The following KIF13A variants were observed in gnomAD, a reference collection of about 807,000 sequenced individuals.
KIF13A encodes kinesin family member 13A.
Under a neutral mutation model 212.2 loss-of-function variants are expected in KIF13A, and 79 were observed. The ratio of observed to expected loss-of-function variants is 0.37; its 90% confidence interval spans 0.31 to 0.45. The LOEUF is 0.45. KIF13A is among the 20% of genes least tolerant of loss of function. The pLI, the probability that KIF13A is intolerant of heterozygous loss-of-function variation, is 1.00. For synonymous variants in KIF13A, 789 were observed against 808.6 expected, an observed-to-expected ratio of 0.98 and a Z score of 0.41; for missense variants, 1,901 against 2,209.0, an observed-to-expected ratio of 0.86 and a Z score of 2.79.
intron 4 of KIF13A, among the ~76,000 whole-genome samples, chr6:17,870,469 G>A (rs1195797531): frequency 6.6e-6 from 1 of 151,792 alleles, no homozygotes; most frequent in African/African-American, 2.4e-5. Context: ...AAAAAAGTTT[G>A]TTGCACATCC....
rs1230360217 is a variant in KIF13A at position 17,773,239 on chromosome 6, A to T, written c.4324+239T>A. Among the ~76,000 whole-genome samples the T allele has an allele frequency of 1.3e-5, 2 of 152,240 alleles. No homozygotes were observed. Among genetic ancestry groups the T allele is most frequent in the Non-Finnish European group, 2.9e-5 (2 of 68,032 alleles). ...AGGAAATGATGACAAAAAATGATTC[A>T]GAAGTTCTAAAGTAATACACAAAAA... On this transcript the variant is annotated intron_variant, in intron 36 of 38. Transcript: ENST00000259711. The surrounding 1 kb of genome is among the most constrained non-coding windows in gnomAD (Gnocchi z 4.2).
chr6:17,785,503 G>A lies in KIF13A; in HGVS notation c.3488+12C>T. On this transcript the variant is annotated intron_variant, in intron 28 of 38. Transcript: ENST00000259711. The surrounding 1 kb of genome is among the most constrained non-coding windows in gnomAD (Gnocchi z 5.8). Reference sequence around the variant, plus strand: ...TCTCCCCAGGTCTGCACAGAAGGGAGGGCAGCCTTACCAGTCGGCAGGTGC... The same window carrying A: ...TCTCCCCAGGTCTGCACAGAAGGGAAGGCAGCCTTACCAGTCGGCAGGTGC... The A allele has an allele frequency of 6.5e-7, 1 of 1,549,660 alleles. No individual in the cohort carries two copies. The highest frequency in any genetic ancestry group is 8.7e-7 in the Non-Finnish European group (1 of 1,151,240).
At chr6:17,770,361 A>ATTTTTTTTTTTTTTTT (rs200616640) in intron 38 of KIF13A, 26 of 119,438 alleles carry the variant, frequency 2.2e-4, no homozygotes, top group East Asian at 4.8e-4. Flanking sequence ...AATAAACAGG[A>ATTTTTTTTTTTTTTTT]TTTTTTTTTT....
At position 17,971,847 on chromosome 6, in the gene KIF13A, C is replaced by T. The variant is rs1779833255; in HGVS notation, c.146+15207G>A. Reference sequence around the variant, plus strand: ...AAGTCTGAGAACCAATGAGCAAGGGCAGCTAACAGTCACTCTTGGAGGGAA... The same window carrying T: ...AAGTCTGAGAACCAATGAGCAAGGGTAGCTAACAGTCACTCTTGGAGGGAA... On this transcript the variant is annotated intron_variant, in intron 2 of 38. Coordinates refer to ENST00000259711, the MANE Select transcript of KIF13A (RefSeq NM_022113.6). The surrounding 1 kb of genome is among the most constrained non-coding windows in gnomAD (Gnocchi z 4.2). Among the ~76,000 whole-genome samples, 1 of 151,998 alleles carries T rather than the reference C, an allele frequency of 6.6e-6. No homozygotes were observed. Among genetic ancestry groups the T allele is most frequent in the East Asian group, 1.9e-4 (1 of 5,192 alleles).
chr6:17,986,904 T>TG, intron 2 of KIF13A, 150 bp downstream of exon 2: 1 of 604,016 alleles, frequency 1.7e-6, no homozygotes, highest in Non-Finnish European at 3.0e-6. Context: ...GAGAGGAACT[T>TG]GGACTTGCAA....
At chr6:17,975,414 C>T (rs1209348339) in intron 2 of KIF13A, among the ~76,000 whole-genome samples, 1 of 152,082 alleles carries the variant, frequency 6.6e-6, no homozygotes, top group African/African-American at 2.4e-5. Flanking sequence ...GAGTTTTTTC[C>T]TTTTGGTGGG....
At position 17,825,134 on chromosome 6, in the gene KIF13A, A is replaced by T. The variant is rs1461233896; in HGVS notation, c.1786+634T>A. ...TTTATAAAACAGCAAAAAAGGAAAG[A>T]ATTTGGTGTCTATTTTATTTAATGC... On this transcript the variant is annotated intron_variant, in intron 16 of 38. Transcript: ENST00000259711. This position sits in a 1 kb window ranked among gnomAD's most constrained non-coding sequence, Gnocchi z 4.5. Among the ~76,000 whole-genome samples the T allele has an allele frequency of 6.6e-6, 1 of 152,178 alleles. No individual in the cohort carries two copies. The highest frequency in any genetic ancestry group is 1.5e-5 in the Non-Finnish European group (1 of 68,036).
chr6:17,929,463 C>T (rs943258264), intron 2 of KIF13A, among the ~76,000 whole-genome samples: 1 of 151,470 alleles, frequency 6.6e-6, no homozygotes, highest in Non-Finnish European at 1.5e-5. Flanking sequence ...TGCAGTGGCA[C>T]GATCTTGGCT....
intron 4 of KIF13A, among the ~76,000 whole-genome samples, chr6:17,869,760 C>T (rs1165494412): frequency 6.6e-6 from 1 of 152,206 alleles, no homozygotes; most frequent in Non-Finnish European, 1.5e-5. Context: ...CCACACAAAA[C>T]TTAAGAGCCC....
intron 7 of KIF13A, 69 bp downstream of exon 7, chr6:17,851,886 T>C: frequency 4.1e-6 from 3 of 737,138 alleles, no homozygotes; most frequent in Non-Finnish European, 4.1e-6. Context: ...ACATAAAATA[T>C]ACTCAGTATC....
chr6:17,925,080 A>G (rs1011959203), intron 2 of KIF13A, among the ~76,000 whole-genome samples: 1 of 152,198 alleles, frequency 6.6e-6, no homozygotes, highest in Non-Finnish European at 1.5e-5. Context: ...AGAGAAAAAA[A>G]TATATCAACA....
downstream of KIF13A, chr6:17,760,010 T>TA (rs1476544453): frequency 6.6e-6 from 1 of 152,172 alleles, no homozygotes; most frequent in Non-Finnish European, 1.5e-5. Context: ...ACAGTTATAA[T>TA]ACAATGTCAA....
intron 2 of KIF13A, 73 bp downstream of exon 2, chr6:17,986,981 A>AT: frequency 8.9e-7 from 1 of 1,127,776 alleles, no homozygotes; most frequent in East Asian, 2.4e-5. Context: ...GAGCACTCCC[A>AT]TTTTCCTGGC....
rs1477545729 is a variant in KIF13A at position 17,850,653 on chromosome 6, C to T, written c.583-196G>A. 6.6e-6 allele frequency among the ~76,000 whole-genome samples: 1 copy of T among 152,132 alleles called. No individual in the cohort carries two copies. On this transcript the variant is annotated intron_variant, in intron 7 of 38. Transcript: ENST00000259711. This position sits in a 1 kb window ranked among gnomAD's most constrained non-coding sequence, Gnocchi z 6.2. ...AGACTTTGTAATGTATGAAATGTTT[C>T]CCTAATTCTTTCCATTTCCCAATTG...
At chr6:17,805,391 G>C (rs1762855925) in intron 19 of KIF13A, 84 bp downstream of exon 19, 1 of 505,684 alleles carries the variant, frequency 2.0e-6, no homozygotes, top group African/African-American at 2.2e-5. Flanking sequence ...GTGTGTGTGT[G>C]TGTGTGTGTG....
chr6:17,796,272 G>C (rs1463373384), intron 23 of KIF13A, among the ~76,000 whole-genome samples: 2 of 148,968 alleles, frequency 1.3e-5, no homozygotes, highest in South Asian at 4.2e-4. Flanking sequence ...CACGATCTTG[G>C]CTCACTGAAA....
intron 2 of KIF13A, among the ~76,000 whole-genome samples, chr6:17,903,863 G>A (rs1773262320): frequency 6.6e-6 from 1 of 152,194 alleles, no homozygotes; most frequent in African/African-American, 2.4e-5. Flanking sequence ...ACAGTTGCCA[G>A]GCGGCGTGGC....
chr6:17,826,248 AG>A lies in KIF13A; in HGVS notation c.1533-125del. ...ATGCATTCCAACTAACGCTTAAAGA[AG>A]GAAGAGCAGAATGTGTAACCACTAT... On this transcript the variant is annotated intron_variant, in intron 14 of 38. Transcript: ENST00000259711. The surrounding 1 kb of genome is among the most constrained non-coding windows in gnomAD (Gnocchi z 4.7). The A allele has an allele frequency of 1.4e-6, 1 of 691,740 alleles. No individual in the cohort carries two copies. Among genetic ancestry groups the A allele is most frequent in the Non-Finnish European group, 2.5e-6 (1 of 400,866 alleles). The allele number at this position is 691,740 out of a possible 1,614,324, so 42.9% of individuals were successfully genotyped here.
chr6:17,946,899 G>C (rs1391313678), intron 2 of KIF13A, among the ~76,000 whole-genome samples: 2 of 152,164 alleles, frequency 1.3e-5, no homozygotes, highest in East Asian at 1.9e-4. Context: ...ACGGACAAAT[G>C]AATCTCAAGA....
Sources: allele counts gnomAD v4.1 joint callset (sites outside exome capture counted in the v4.1 genomes callset), GRCh38; gene constraint gnomAD v4.1.1; non-coding constraint Gnocchi (gnomAD v3.1); transcripts MANE v1.5; gene names NCBI Gene and HGNC (gene_info 2026-07-23, HGNC 2026-07-21).